Variants in TULP4 observed in about 807,000 individuals in gnomAD.
TULP4 encodes the protein tubby-related protein 4.
A neutral mutation model predicts 129.0 loss-of-function variants in TULP4; 16 were observed. The ratio of observed to expected loss-of-function variants is 0.12; its 90% CI spans 0.08 to 0.19. The LOEUF (loss-of-function observed/expected upper bound fraction) is 0.19, where lower values mean the gene tolerates loss of function less well. Ranked by LOEUF, TULP4 falls within the 10% of genes least tolerant of loss-of-function variation. TULP4 has a pLI of 1.00. For synonymous variants in TULP4, 998 were observed against 854.0 expected (o/e 1.17, Z -2.94); for missense variants, 1,842 against 2,059.1 (o/e 0.89, Z 2.04).
At chr6:158,344,353 G>A (rs111782080) in intron 1 of TULP4, among the ~76,000 whole-genome samples, 26,356 of 152,182 alleles carry the variant, frequency 0.17, 2,713 homozygotes, top group Middle Eastern at 0.27. Flanking sequence ...GTGAGACAGC[G>A]GACTTTGTTT....
intron 5 of TULP4, among the ~76,000 whole-genome samples, chr6:158,461,310 C>T (rs749599756): frequency 6.6e-6 from 1 of 151,578 alleles, no homozygotes; most frequent in Non-Finnish European, 1.5e-5. Flanking sequence ...ACTCGGGAGG[C>T]TGAGGCAGGA....
At chr6:158,255,864 AG>A (rs1778232159) in intron 1 of TULP4, among the ~76,000 whole-genome samples, 1 of 152,256 alleles carries the variant, frequency 6.6e-6, no homozygotes. Context: ...GAAGAAGTAC[AG>A]GGTATAAAGG....
At chr6:158,340,292 A>G (rs917216070) in intron 1 of TULP4, among the ~76,000 whole-genome samples, 1 of 152,252 alleles carries the variant, frequency 6.6e-6, no homozygotes, top group Non-Finnish European at 1.5e-5. Context: ...TGCAAATTGT[A>G]GGACCACTCC....
At chr6:158,446,071 A>G (rs1367088698) in intron 3 of TULP4, among the ~76,000 whole-genome samples, 2 of 152,202 alleles carry the variant, frequency 1.3e-5, no homozygotes, top group Admixed American at 6.5e-5. Flanking sequence ...TGCACTTGCC[A>G]TATGTGTATT....
chr6:158,274,505 A>G (rs57709862), intron 1 of TULP4, among the ~76,000 whole-genome samples: 23 of 152,260 alleles, frequency 1.5e-4, no homozygotes, highest in South Asian at 8.3e-4. Context: ...GGCCGGGCGC[A>G]GTGGCTCACG....
chr6:158,344,324 ACT>A (rs892643915), intron 1 of TULP4, among the ~76,000 whole-genome samples: 5 of 152,136 alleles, frequency 3.3e-5, no homozygotes, highest in Non-Finnish European at 5.9e-5. Context: ...TGTGTGGTGG[ACT>A]CTCTTCACAC....
At position 158,375,572 on chromosome 6, in the gene TULP4, CA is replaced by C. The variant is rs376122276; in HGVS notation, c.253-37492del. On this transcript the variant is annotated intron_variant, in intron 1 of 13. Coordinates refer to ENST00000367097, the MANE Select transcript of TULP4 (RefSeq NM_020245.5). Reference sequence around the variant, plus strand: ...AAGAAGTTAATCAGGGAAAAGTGTACAGGGAAAGTTACATTTGATCTGAGTT... The same window carrying C: ...AAGAAGTTAATCAGGGAAAAGTGTACGGGAAAGTTACATTTGATCTGAGTT... Among the ~76,000 whole-genome samples the C allele has an allele frequency of 1.3e-3, 198 of 152,186 alleles. No individual in the cohort carries two copies. The Middle Eastern group carries it at 0.014, about 10-fold the overall frequency.
At chr6:158,477,396 T>A (rs560858651) in intron 6 of TULP4, among the ~76,000 whole-genome samples, 26 of 152,184 alleles carry the variant, frequency 1.7e-4, no homozygotes, top group Non-Finnish European at 2.8e-4. Flanking sequence ...CTGCAGCCAG[T>A]CAGGTTGTGC....
Position 158,482,706 on chromosome 6 carries a change from G to C in TULP4, c.1486+1417G>C, listed in dbSNP as rs142459594. Among the ~76,000 whole-genome samples the C allele has an allele frequency of 7.7e-4, 118 of 152,342 alleles. 1 individual carries two copies. Among genetic ancestry groups the C allele is most frequent in the African/African-American group, 2.6e-3 (107 of 41,568 alleles). On this transcript the variant is annotated intron_variant, in intron 8 of 13. Transcript: ENST00000367097. Reference sequence around the variant, plus strand: ...GTTTGCAGCAGATGTTCTCACTGATGTCAGTACCTCTAAGGTTACTCCCCT... The same window carrying C: ...GTTTGCAGCAGATGTTCTCACTGATCTCAGTACCTCTAAGGTTACTCCCCT...
At chr6:158,367,809 G>A (rs1040564231) in intron 1 of TULP4, among the ~76,000 whole-genome samples, 3 of 152,010 alleles carry the variant, frequency 2.0e-5, no homozygotes, top group African/African-American at 7.3e-5. Context: ...GGGAGGTTGA[G>A]GTGGGAAGAT....
intron 1 of TULP4, among the ~76,000 whole-genome samples, chr6:158,319,217 A>G (rs1417039822): frequency 6.6e-6 from 1 of 152,186 alleles, no homozygotes. Context: ...GGGTGGCACT[A>G]GATAATTGAC....
intron 1 of TULP4, among the ~76,000 whole-genome samples, chr6:158,403,502 G>A (rs1390383597): frequency 6.6e-6 from 1 of 152,112 alleles, no homozygotes; most frequent in Non-Finnish European, 1.5e-5. Context: ...CCTATGCCCG[G>A]CTAATTTTTG....
intron 1 of TULP4, among the ~76,000 whole-genome samples, chr6:158,363,200 G>C (rs976104944): frequency 6.6e-6 from 1 of 151,970 alleles, no homozygotes; most frequent in Non-Finnish European, 1.5e-5. Flanking sequence ...TTCTCTTGCT[G>C]GCTGTGTGTA....
intron 5 of TULP4, among the ~76,000 whole-genome samples, chr6:158,459,771 C>T (rs1007749693): frequency 2.0e-5 from 3 of 152,166 alleles, no homozygotes; most frequent in Non-Finnish European, 2.9e-5. Context: ...CTTGAGACAC[C>T]GTCATCTTTG....
At chr6:158,422,807 C>T (rs906562790) in intron 2 of TULP4, among the ~76,000 whole-genome samples, 1 of 152,238 alleles carries the variant, frequency 6.6e-6, no homozygotes, top group African/African-American at 2.4e-5. Context: ...CGCTGGCCCT[C>T]CCACCCCAGC....
chr6:158,349,646 AG>A (rs1780446880), intron 1 of TULP4, among the ~76,000 whole-genome samples: 1 of 104,050 alleles, frequency 9.6e-6, no homozygotes, highest in Non-Finnish European at 2.0e-5. Context: ...GGTAGCGGCT[AG>A]GCAGAGGCGC....
Position 158,467,424 on chromosome 6 carries a change from C to T in TULP4, c.1026+5695C>T, listed in dbSNP as rs150714282. On this transcript the variant is annotated intron_variant, in intron 6 of 13. Coordinates refer to ENST00000367097, the MANE Select transcript of TULP4 (RefSeq NM_020245.5). ...CCTCCCGAGTAGCTGGTATTACAGG[C>T]GCGTGCCACCACACCCGGCTAATTT... Among the ~76,000 whole-genome samples, 569 of 152,108 alleles carry T rather than the reference C, an allele frequency of 3.7e-3. 5 individuals are homozygous for T. The highest frequency in any genetic ancestry group is 6.6e-3 in the Non-Finnish European group (447 of 68,008).
intron 8 of TULP4, among the ~76,000 whole-genome samples, chr6:158,488,394 T>G (rs1195685940): frequency 6.6e-6 from 1 of 152,208 alleles, no homozygotes; most frequent in Non-Finnish European, 1.5e-5. Context: ...CACTGTGGCT[T>G]CACTGTGGCT....
At chr6:158,240,478 C>A (rs1417452217) in intron 1 of TULP4, among the ~76,000 whole-genome samples, 1 of 87,438 alleles carries the variant, frequency 1.1e-5, no homozygotes, top group Non-Finnish European at 2.6e-5. Context: ...AAGGCTGACC[C>A]CCCCACCTCC....
Sources: allele counts gnomAD v4.1 joint callset (sites outside exome capture counted in the v4.1 genomes callset), GRCh38; gene constraint gnomAD v4.1.1; transcripts MANE v1.5; gene names NCBI Gene and HGNC (gene_info 2026-07-23, HGNC 2026-07-21).